STOX2: variants seen among roughly 807,000 people sequenced by gnomAD.
STOX2 encodes the protein storkhead-box protein 2.
In STOX2, 28 loss-of-function variants were observed where a neutral mutation model predicts 60.9. That is an observed-to-expected ratio of 0.46 (90% CI 0.34 to 0.63). STOX2 has a LOEUF of 0.63. Among genes scored for constraint, STOX2 ranks in the 30% least tolerant of loss-of-function variants. The pLI, the probability that STOX2 is intolerant of heterozygous loss-of-function variation, is 0.01. For missense variants in STOX2, 1,024 were observed against 1,187.7 expected (o/e 0.86, Z 2.03); for synonymous variants, 472 against 463.9 (o/e 1.02, Z -0.22).
intron 1 of STOX2, among the ~76,000 whole-genome samples, chr4:183,812,658 C>T (rs1302587350): frequency 6.6e-6 from 1 of 152,074 alleles, no homozygotes; most frequent in Admixed American, 6.6e-5. Context: ...CTGTACTGCC[C>T]AGTCTAAGGA....
chr4:183,996,761 T>A (rs1325715182), intron 1 of STOX2, among the ~76,000 whole-genome samples: 2 of 152,140 alleles, frequency 1.3e-5, no homozygotes, highest in East Asian at 1.9e-4. Flanking sequence ...AATTTTTAAT[T>A]TCTTATTGCT....
intron 1 of STOX2, among the ~76,000 whole-genome samples, chr4:183,840,891 AG>A (rs1739842178): frequency 6.6e-6 from 1 of 152,138 alleles, no homozygotes. Flanking sequence ...TTTTTGAGAC[AG>A]GGTCTCACTC....
At chr4:184,006,976 ACTG>A (rs1345130425) in intron 2 of STOX2, among the ~76,000 whole-genome samples, 8 of 132,328 alleles carry the variant, frequency 6.0e-5, no homozygotes, top group Non-Finnish European at 1.2e-4. Flanking sequence ...AGATCCCGCC[ACTG>A]CACTCCAGCC....
rs150409428 is a variant in STOX2, at chr4:183,820,340, G to A, written c.364+22285G>A. ...GCCCCTACTATTAGGGTCTTATCTT[G>A]TGAGGAGGTGGGCCACTCCATGTCC... On this transcript the variant is annotated intron_variant, in intron 1 of 2. Transcript: ENST00000513034. 4.0e-3 allele frequency among the ~76,000 whole-genome samples: 604 copies of A among 152,204 alleles called. 2 individuals are homozygous for A. Among genetic ancestry groups the A allele is most frequent in the African/African-American group, 0.014 (584 of 41,532 alleles).
At chr4:183,991,092 G>T (rs1286865744) in intron 1 of STOX2, among the ~76,000 whole-genome samples, 1 of 151,986 alleles carries the variant, frequency 6.6e-6, no homozygotes, top group African/African-American at 2.4e-5. Context: ...CCTAAGTTTT[G>T]AAATAGGTCA....
chr4:183,883,028 C>T lies in STOX2; in HGVS notation c.364+84973C>T, dbSNP rs114442972. On this transcript the variant is annotated intron_variant, in intron 1 of 2. Transcript: ENST00000513034. ...TGTTGCTTTTTTTTTCTTTTTATCA[C>T]GTACAATTTCTAAAATACACAAAAG... 4.5e-3 allele frequency among the ~76,000 whole-genome samples: 687 copies of T among 151,888 alleles called. 4 individuals are homozygous for T. The highest frequency in any genetic ancestry group is 0.016 in the African/African-American group (662 of 41,416).
Position 184,021,417 on chromosome 4 carries a change from C to T in STOX2, c.*4133C>T, listed in dbSNP as rs1333425289. 1.3e-5 allele frequency: 2 copies of T among 149,590 alleles called. No individual in the cohort carries two copies. The highest frequency in any genetic ancestry group is 3.0e-5 in the Non-Finnish European group (2 of 67,778). The allele number at this position is 149,590 out of a possible 1,614,324, so 9.3% of individuals were successfully genotyped here. ...CTAATAAAGTCAAAGAAAACAAATACATCTTGACACTTTTGTCCATTTTCA... is the reference window on the plus strand; with the variant it reads ...CTAATAAAGTCAAAGAAAACAAATATATCTTGACACTTTTGTCCATTTTCA... On this transcript the variant is annotated 3_prime_UTR_variant, in exon 4 of 4. Transcript: ENST00000308497.
chr4:183,889,082 A>G (rs1451433853), intron 1 of STOX2, among the ~76,000 whole-genome samples: 3 of 151,850 alleles, frequency 2.0e-5, no homozygotes, highest in African/African-American at 7.3e-5. Context: ...TTATCAGTCC[A>G]AGGGAGTTAA....
In STOX2 at chr4:184,001,548, G is replaced by C; in HGVS notation, c.319+71G>C. ...GGTCGCTCTAGGACTCACGTGGACTGTTCTGCCCATGTTTAAAGAGAATAG... is the reference window on the plus strand; with the variant it reads ...GGTCGCTCTAGGACTCACGTGGACTCTTCTGCCCATGTTTAAAGAGAATAG... On this transcript the variant is annotated intron_variant, in intron 2 of 3. Coordinates refer to ENST00000308497, the MANE Select transcript of STOX2 (RefSeq NM_020225.3). This position sits in a 1 kb window ranked among gnomAD's most constrained non-coding sequence, Gnocchi z 4.2. The C allele has an allele frequency of 3.4e-6, 5 of 1,454,054 alleles. No individual in the cohort carries two copies. Among genetic ancestry groups the C allele is most frequent in the Non-Finnish European group, 4.7e-6 (5 of 1,059,874 alleles). 90.1% of individuals were successfully genotyped at this position (1,454,054 alleles called of 1,614,324 possible). A position where few individuals can be genotyped will look rare whatever the true frequency, so the allele number is the denominator to read the frequency against.
chr4:184,020,791 A>G lies in STOX2; in HGVS notation c.*3507A>G, dbSNP rs1734556644. 1.3e-5 allele frequency: 2 copies of G among 152,230 alleles called. No homozygotes were observed. The allele number at this position is 152,230 out of a possible 1,614,324, so 9.4% of individuals were successfully genotyped here. A position where few individuals can be genotyped will look rare whatever the true frequency, so the allele number is the denominator to read the frequency against. On this transcript the variant is annotated 3_prime_UTR_variant, in exon 4 of 4. Coordinates refer to ENST00000308497, the MANE Select transcript of STOX2 (RefSeq NM_020225.3). ...CTCTGATGTTGTGAAGGTCAGGTTC[A>G]GGAAGCATCAATTCACAGTTAATCC...
At chr4:183,968,012 T>C (rs1183019436) in intron 1 of STOX2, among the ~76,000 whole-genome samples, 2 of 152,188 alleles carry the variant, frequency 1.3e-5, no homozygotes, top group African/African-American at 2.4e-5. Context: ...GTGTTAATGC[T>C]TTTTATCAAG....
At chr4:183,963,862 G>A (rs564622871) in intron 1 of STOX2, among the ~76,000 whole-genome samples, 8 of 149,092 alleles carry the variant, frequency 5.4e-5, no homozygotes, top group South Asian at 2.1e-4. Flanking sequence ...TGCAAGCTCC[G>A]CCTCCCGGGT....
intron 1 of STOX2, among the ~76,000 whole-genome samples, chr4:183,801,950 C>G (rs1738772812): frequency 6.6e-6 from 1 of 152,196 alleles, no homozygotes; most frequent in African/African-American, 2.4e-5. Flanking sequence ...GGGAGAAATG[C>G]CAAGTGCTTC....
intron 1 of STOX2, among the ~76,000 whole-genome samples, chr4:183,948,920 A>C (rs1039895683): frequency 3.3e-5 from 5 of 152,174 alleles, no homozygotes; most frequent in African/African-American, 1.2e-4. Context: ...ATTGTCTCTG[A>C]TACTTAGAGG....
rs139425065 is a variant in STOX2 at position 183,933,380 on chromosome 4, AGTT to A, written c.166+26450_166+26452del. On this transcript the variant is annotated intron_variant, in intron 1 of 3. Transcript: ENST00000308497. ...AAAAAGCTATACAGTAAACCCCAGAAGTTGTTGTTGTTGTTGTTGTTGTTGTTG... is the reference window on the plus strand; with the variant it reads ...AAAAAGCTATACAGTAAACCCCAGAAGTTGTTGTTGTTGTTGTTGTTGTTG... Among the ~76,000 whole-genome samples, 78 of 146,710 alleles carry A rather than the reference AGTT, an allele frequency of 5.3e-4. 1 individual carries two copies. The highest frequency in any genetic ancestry group is 1.3e-3 in the Admixed American group (18 of 14,008).
chr4:183,947,229 A>T (rs1742921430), intron 1 of STOX2, among the ~76,000 whole-genome samples: 1 of 152,224 alleles, frequency 6.6e-6, no homozygotes, highest in African/African-American at 2.4e-5. Context: ...ATGCTCTGTG[A>T]GTAGTCATTA....
chr4:184,013,506 A>G (rs1046067102), intron 3 of STOX2, among the ~76,000 whole-genome samples: 1 of 152,370 alleles, frequency 6.6e-6, no homozygotes, highest in South Asian at 2.1e-4. Context: ...TTTTCTCTAC[A>G]TGAAAACGTG....
At chr4:183,823,232 C>A (rs1295850718) in intron 1 of STOX2, among the ~76,000 whole-genome samples, 1 of 152,096 alleles carries the variant, frequency 6.6e-6, no homozygotes, top group African/African-American at 2.4e-5. Flanking sequence ...CCCATCTCTC[C>A]TAAAAATACA....
chr4:183,907,073 G>A, intron 1 of STOX2, 117 bp downstream of exon 1: 1 of 891,828 alleles, frequency 1.1e-6, no homozygotes, highest in East Asian at 2.8e-5. Flanking sequence ...AAGTTATGGG[G>A]AAAGCAGGAA....
Sources: gnomAD v4.1 joint callset for allele counts (sites outside exome capture counted in the v4.1 genomes callset) on GRCh38, gnomAD v4.1.1 for gene constraint, Gnocchi (gnomAD v3.1) non-coding constraint, MANE v1.5 for transcripts, NCBI Gene and HGNC (gene_info 2026-07-23, HGNC 2026-07-21) for gene names.